SYTL3: variants seen among roughly 807,000 people sequenced by gnomAD.
SYTL3 encodes the protein synaptotagmin like 3.
Under a neutral mutation model 82.1 loss-of-function variants are expected in SYTL3, and 88 were observed. That is an observed-to-expected ratio of 1.07 (90% CI 0.90 to 1.28). SYTL3 has a LOEUF of 1.28. Ranked by LOEUF, SYTL3 falls within the 50% of genes most tolerant of loss-of-function variation. The pLI, the probability that SYTL3 is intolerant of heterozygous loss-of-function variation, is 0.00. For missense variants in SYTL3, 831 were observed against 757.6 expected, an observed-to-expected ratio of 1.10 and a Z score of -1.14; for synonymous variants, 311 against 289.4, an observed-to-expected ratio of 1.07 and a Z score of -0.76.
At chr6:158,744,276 C>A (rs1303064546) in intron 11 of SYTL3, among the ~76,000 whole-genome samples, 1 of 149,220 alleles carries the variant, frequency 6.7e-6, no homozygotes, top group Non-Finnish European at 1.5e-5. Context: ...TTTCTGCCCC[C>A]AGGCTTGTTT....
chr6:158,703,812 ATATTATTATCATTATTATTAT>A lies in SYTL3; in HGVS notation c.395-3408_395-3388del, dbSNP rs1781606174. On this transcript the variant is annotated intron_variant, in intron 6 of 17. Coordinates refer to ENST00000611299, the MANE Select transcript of SYTL3 (RefSeq NM_001242394.2). ...GTCCTGTGAACTAAGAGTGGGTTTT[ATATTATTATCATTATTATTAT>A]TATTATTATTATTATTATTATTTTG... is the stretch of plus-strand genomic sequence containing the variant. Among the ~76,000 whole-genome samples the A allele has an allele frequency of 5.7e-5, 7 of 122,656 alleles. No homozygotes were observed. In the South Asian group the frequency reaches 7.9e-4, roughly 14 times the overall value. The allele number at this position is 122,656 out of a possible 152,430, so 80.5% of individuals were successfully genotyped here.
At chr6:158,737,162 G>A (rs1401099881) in intron 11 of SYTL3, among the ~76,000 whole-genome samples, 1 of 152,116 alleles carries the variant, frequency 6.6e-6, no homozygotes, top group Non-Finnish European at 1.5e-5. Context: ...ATGGTTCTAA[G>A]TCTTTTTCCG....
intron 5 of SYTL3, among the ~76,000 whole-genome samples, chr6:158,675,329 T>G (rs1293260879): frequency 6.6e-6 from 1 of 152,146 alleles, no homozygotes; most frequent in Non-Finnish European, 1.5e-5. Flanking sequence ...TAAGAAGTGT[T>G]GGTAACAGCT....
At chr6:158,748,299 A>C (rs1030745151) in intron 12 of SYTL3, among the ~76,000 whole-genome samples, 2 of 152,130 alleles carry the variant, frequency 1.3e-5, no homozygotes, top group Non-Finnish European at 2.9e-5. Context: ...GTAGCTCTTT[A>C]GTACCAGACA....
chr6:158,738,485 C>A (rs1458760747), intron 11 of SYTL3, among the ~76,000 whole-genome samples: 1 of 152,168 alleles, frequency 6.6e-6, no homozygotes. Context: ...ATCCTGCCCT[C>A]CCCTGCCTTC....
intron 5 of SYTL3, among the ~76,000 whole-genome samples, chr6:158,680,881 AG>A (rs1302796131): frequency 1.6e-4 from 13 of 81,596 alleles, no homozygotes; most frequent in Non-Finnish European, 1.2e-4. Flanking sequence ...AGAGAAAGTT[AG>A]TTGATATCTT....
intron 17 of SYTL3, 21 bp from the exon 18 acceptor site, chr6:158,764,474 A>C (rs1412982306): frequency 2.5e-6 from 4 of 1,587,726 alleles, no homozygotes; most frequent in Middle Eastern, 1.9e-4. Flanking sequence ...ACCATGGCTA[A>C]ATTGTCTTCC....
At chr6:158,757,983 G>A (rs1193561404) in intron 14 of SYTL3, among the ~76,000 whole-genome samples, 2 of 152,106 alleles carry the variant, frequency 1.3e-5, no homozygotes, top group Non-Finnish European at 2.9e-5. Context: ...TTTAGGATCC[G>A]TGTCCCCCAG....
chr6:158,692,389 C>T (rs1012832111), intron 6 of SYTL3, among the ~76,000 whole-genome samples: 7 of 141,126 alleles, frequency 5.0e-5, no homozygotes, highest in African/African-American at 1.8e-4. Context: ...TAAGGCTTAA[C>T]ATAGCCTCTG....
At chr6:158,695,923 C>T (rs1312108882) in intron 6 of SYTL3, among the ~76,000 whole-genome samples, 2 of 152,196 alleles carry the variant, frequency 1.3e-5, no homozygotes, top group Non-Finnish European at 1.5e-5. Context: ...TTTATCCATT[C>T]ATCTGCTGAT....
At chr6:158,723,624 C>T (rs1394159012) in intron 10 of SYTL3, among the ~76,000 whole-genome samples, 1 of 152,186 alleles carries the variant, frequency 6.6e-6, no homozygotes, top group Non-Finnish European at 1.5e-5. Context: ...GTGCACCTGT[C>T]ACCACCATCC....
At chr6:158,723,493 A>G (rs1407830577) in intron 10 of SYTL3, among the ~76,000 whole-genome samples, 3 of 152,104 alleles carry the variant, frequency 2.0e-5, no homozygotes, top group African/African-American at 7.2e-5. Flanking sequence ...ACTCTTGCCA[A>G]CATTCAACTT....
intron 5 of SYTL3, among the ~76,000 whole-genome samples, chr6:158,668,623 G>A (rs540593007): frequency 3.9e-5 from 6 of 152,330 alleles, no homozygotes; most frequent in Admixed American, 1.3e-4. Flanking sequence ...ACACCATGCC[G>A]AAAGTCTGCC....
At chr6:158,702,667 G>C (rs34546308) in intron 6 of SYTL3, among the ~76,000 whole-genome samples, 1 of 151,868 alleles carries the variant, frequency 6.6e-6, no homozygotes, top group Non-Finnish European at 1.5e-5. Context: ...CGGTGACCCC[G>C]TGTCTGTACA....
intron 5 of SYTL3, among the ~76,000 whole-genome samples, chr6:158,666,871 T>C (rs546736953): frequency 6.6e-6 from 1 of 152,388 alleles, no homozygotes; most frequent in Admixed American, 6.5e-5. Flanking sequence ...TGAACTGCAT[T>C]CCGTCCATTT....
intron 6 of SYTL3, among the ~76,000 whole-genome samples, chr6:158,689,981 A>AT (rs1779688434): frequency 6.6e-6 from 1 of 151,828 alleles, no homozygotes; most frequent in South Asian, 2.1e-4. Flanking sequence ...GCCCTATCTA[A>AT]TTTTTTTTCC....
intron 1 of SYTL3, 53 bp downstream of exon 1, chr6:158,650,131 G>A (rs1388032147): frequency 1.3e-5 from 2 of 152,114 alleles, no homozygotes; most frequent in African/African-American, 4.8e-5. Flanking sequence ...TAGGAGTGGG[G>A]GAGTGGGGTG....
intron 17 of SYTL3, 31 bp downstream of exon 17, chr6:158,763,540 A>C: frequency 6.3e-7 from 1 of 1,577,550 alleles, no homozygotes; most frequent in African/African-American, 1.4e-5. Flanking sequence ...CCAAACGTTT[A>C]TACTTTGTGA....
chr6:158,736,083 T>G (rs558236474), intron 11 of SYTL3, among the ~76,000 whole-genome samples: 213 of 152,360 alleles, frequency 1.4e-3, no homozygotes, highest in African/African-American at 4.9e-3. Context: ...CCGGGCGCGG[T>G]GTCTCACGCC....
Sources: gnomAD v4.1 joint callset for allele counts (sites outside exome capture counted in the v4.1 genomes callset) on GRCh38, gnomAD v4.1.1 for gene constraint, MANE v1.5 for transcripts, NCBI Gene and HGNC (gene_info 2026-07-23, HGNC 2026-07-21) for gene names.